Variants in TRPM3 observed in about 807,000 individuals in gnomAD.
TRPM3 encodes long transient receptor potential channel 3.
A neutral mutation model predicts 181.2 loss-of-function variants in TRPM3; 77 were observed. The observed-to-expected ratio is 0.42, with a 90% CI of 0.35 to 0.51. The LOEUF is 0.51. Ranked by LOEUF, TRPM3 falls within the 20% of genes least tolerant of loss-of-function variation. The probability of loss-of-function intolerance (pLI) is 0.01; values close to 1 mark genes in which losing one functional copy is unlikely to be tolerated. For missense variants in TRPM3, 1,759 were observed against 2,196.7 expected, an observed-to-expected ratio of 0.80 and a Z score of 3.98; for synonymous variants, 745 against 796.4, an observed-to-expected ratio of 0.94 and a Z score of 1.09.
chr9:70,664,738 C>G (rs1337179440), intron 9 of TRPM3, among the ~76,000 whole-genome samples: 3 of 142,494 alleles, frequency 2.1e-5, no homozygotes, highest in African/African-American at 7.8e-5. Flanking sequence ...GCAGCCTTTG[C>G]CTCCCAGGTT....
chr9:70,946,461 T>A (rs73647185), intron 1 of TRPM3, among the ~76,000 whole-genome samples: 21 of 136,484 alleles, frequency 1.5e-4, no homozygotes, highest in Admixed American at 9.2e-4. Flanking sequence ...ATAATAATAA[T>A]AACAGCAGCA....
chr9:71,140,978 T>C (rs1370577419), intron 1 of TRPM3, among the ~76,000 whole-genome samples: 1 of 152,194 alleles, frequency 6.6e-6, no homozygotes, highest in Non-Finnish European at 1.5e-5. Flanking sequence ...TTTTCAAAAG[T>C]AGTCAGATAA....
chr9:71,010,682 T>C (rs1261776858), intron 1 of TRPM3, among the ~76,000 whole-genome samples: 1 of 152,108 alleles, frequency 6.6e-6, no homozygotes, highest in Non-Finnish European at 1.5e-5. Flanking sequence ...TTGGTGGGGA[T>C]GTAAATTAGT....
At chr9:71,322,795 C>T (rs1031136382) in intron 1 of TRPM3, among the ~76,000 whole-genome samples, 5 of 152,118 alleles carry the variant, frequency 3.3e-5, no homozygotes, top group Non-Finnish European at 7.4e-5. Context: ...ATGCAATCCT[C>T]TCCAGATCCC....
At chr9:71,032,634 T>G (rs1195885200) in intron 1 of TRPM3, among the ~76,000 whole-genome samples, 1 of 152,138 alleles carries the variant, frequency 6.6e-6, no homozygotes, top group Non-Finnish European at 1.5e-5. Context: ...CACATCTAAG[T>G]TTTAAATTGT....
At chr9:71,431,880 C>T (rs750294997) in intron 1 of TRPM3, among the ~76,000 whole-genome samples, 1 of 152,084 alleles carries the variant, frequency 6.6e-6, no homozygotes, top group Non-Finnish European at 1.5e-5. Flanking sequence ...TATGAAACAC[C>T]AAAGTCTACA....
At chr9:71,239,463 T>C (rs2081540964) in intron 1 of TRPM3, among the ~76,000 whole-genome samples, 1 of 152,186 alleles carries the variant, frequency 6.6e-6, no homozygotes, top group Non-Finnish European at 1.5e-5. Context: ...TCTCTCTGCC[T>C]GCTCCAAGTA....
intron 1 of TRPM3, among the ~76,000 whole-genome samples, chr9:70,925,796 A>G (rs1031797761): frequency 6.6e-6 from 1 of 152,034 alleles, no homozygotes. Context: ...CTCACTGTCA[A>G]TACAGGTTAG....
intron 1 of TRPM3, among the ~76,000 whole-genome samples, chr9:70,892,024 T>C (rs1403253700): frequency 2.6e-5 from 4 of 152,002 alleles, no homozygotes; most frequent in Non-Finnish European, 5.9e-5. Flanking sequence ...CACAGCAGGG[T>C]GAATACCTGG....
At chr9:71,110,715 A>G (rs1236538361) in intron 1 of TRPM3, among the ~76,000 whole-genome samples, 2 of 152,220 alleles carry the variant, frequency 1.3e-5, no homozygotes, top group Non-Finnish European at 2.9e-5. Context: ...CTCAGCTAGG[A>G]TATTAATTAA....
At chr9:71,318,451 T>C (rs1390601908) in intron 1 of TRPM3, among the ~76,000 whole-genome samples, 2 of 152,204 alleles carry the variant, frequency 1.3e-5, no homozygotes, top group Admixed American at 1.3e-4. Flanking sequence ...GTGTTTTATT[T>C]TTCAGTAGTT....
At chr9:70,633,033 G>A (rs745543513) in intron 12 of TRPM3, among the ~76,000 whole-genome samples, 3 of 152,264 alleles carry the variant, frequency 2.0e-5, no homozygotes, top group Non-Finnish European at 4.4e-5. Context: ...TTGAAAATTA[G>A]ACAAGACCTT....
At chr9:70,983,172 C>T (rs1402352898) in intron 1 of TRPM3, among the ~76,000 whole-genome samples, 1 of 152,098 alleles carries the variant, frequency 6.6e-6, no homozygotes, top group Non-Finnish European at 1.5e-5. Context: ...CCTTCTACAA[C>T]CTCTCTTCTC....
At chr9:70,943,273 A>C (rs2096902749) in intron 1 of TRPM3, among the ~76,000 whole-genome samples, 1 of 152,248 alleles carries the variant, frequency 6.6e-6, no homozygotes, top group African/African-American at 2.4e-5. Context: ...GAGAACTTAT[A>C]TGAATTTGAC....
chr9:71,301,311 A>G (rs572650457), intron 1 of TRPM3, among the ~76,000 whole-genome samples: 1 of 152,290 alleles, frequency 6.6e-6, no homozygotes, highest in Admixed American at 6.5e-5. Context: ...ATAGATAGAA[A>G]GATTTCCCTT....
At chr9:70,601,023 AC>A (rs2059825790) in intron 20 of TRPM3, among the ~76,000 whole-genome samples, 1 of 152,040 alleles carries the variant, frequency 6.6e-6, no homozygotes, top group African/African-American at 2.4e-5. Context: ...CTGTCTTAGA[AC>A]CCTGGGAGCC....
At chr9:71,066,804 TC>T (rs1399335154) in intron 1 of TRPM3, among the ~76,000 whole-genome samples, 3 of 152,190 alleles carry the variant, frequency 2.0e-5, no homozygotes, top group Non-Finnish European at 4.4e-5. Context: ...CCACAGGTTT[TC>T]CCCCTGTCAG....
At chr9:71,281,788 G>A (rs971097856) in intron 1 of TRPM3, among the ~76,000 whole-genome samples, 2 of 152,154 alleles carry the variant, frequency 1.3e-5, no homozygotes, top group African/African-American at 4.8e-5. Flanking sequence ...GTGGCCAGGT[G>A]CGGTGGATCA....
intron 14 of TRPM3, among the ~76,000 whole-genome samples, chr9:70,623,428 C>T (rs2063953498): frequency 6.6e-6 from 1 of 151,956 alleles, no homozygotes; most frequent in South Asian, 2.1e-4. Flanking sequence ...AGAATGTGAC[C>T]CATGGGTCAT....
Sources: allele counts gnomAD v4.1 joint callset (sites outside exome capture counted in the v4.1 genomes callset), GRCh38; gene constraint gnomAD v4.1.1; transcripts MANE v1.5; gene names NCBI Gene and HGNC (gene_info 2026-07-23, HGNC 2026-07-21).